ABLIM1: variants seen among roughly 807,000 people sequenced by gnomAD.
The protein encoded by ABLIM1 is actin-binding LIM protein 1.
ABLIM1 carries 40 observed loss-of-function variants against 107.0 expected under a neutral mutation model. The observed-to-expected ratio is 0.37, with a 90% CI of 0.29 to 0.49. The LOEUF is 0.49. Ranked by LOEUF, ABLIM1 falls within the 20% of genes least tolerant of loss-of-function variation. ABLIM1 has a pLI of 0.97. For missense variants in ABLIM1, 857 were observed against 1,008.5 expected (o/e 0.85, Z 2.04); for synonymous variants, 357 against 357.3 (o/e 1.00, Z 0.01).
chr10:114,520,850 C>A (rs754707117), intron 6 of ABLIM1, among the ~76,000 whole-genome samples: 3 of 151,954 alleles, frequency 2.0e-5, no homozygotes, highest in Non-Finnish European at 2.9e-5. Flanking sequence ...TGATGGCATG[C>A]ACCTGTAGTC....
chr10:114,744,672 A>G (rs1291100198), intron 1 of ABLIM1, among the ~76,000 whole-genome samples: 1 of 152,160 alleles, frequency 6.6e-6, no homozygotes, highest in African/African-American at 2.4e-5. Context: ...TAAAAGTAAT[A>G]AAGTTTCTAA....
intron 1 of ABLIM1, among the ~76,000 whole-genome samples, chr10:114,681,755 A>G (rs1035424126): frequency 6.6e-6 from 1 of 152,222 alleles, no homozygotes; most frequent in Non-Finnish European, 1.5e-5. Flanking sequence ...GGAGCCTATG[A>G]CTCAGACAGA....
At chr10:114,603,952 T>C (rs1394799764) in intron 1 of ABLIM1, among the ~76,000 whole-genome samples, 3 of 42,042 alleles carry the variant, frequency 7.1e-5, no homozygotes, top group Non-Finnish European at 1.8e-4. Context: ...AGACTTTGTC[T>C]CAAAAAAAAA....
At position 114,619,629 on chromosome 10, in the gene ABLIM1, C is replaced by T. The variant is rs1202654482; in HGVS notation, c.245-17668G>A. Reference sequence around the variant, plus strand: ...CGATGCATGGCAGATAGTCCTGGTCCTGATCTTGCTCCTCCCTCCCTGGCT... The same window carrying T: ...CGATGCATGGCAGATAGTCCTGGTCTTGATCTTGCTCCTCCCTCCCTGGCT... On this transcript the variant is annotated intron_variant, in intron 1 of 22. Coordinates refer to ENST00000533213, the MANE Select transcript of ABLIM1 (RefSeq NM_002313.7). This position sits in a 1 kb window ranked among gnomAD's most constrained non-coding sequence, Gnocchi z 4.1. Among the ~76,000 whole-genome samples the T allele has an allele frequency of 1.3e-5, 2 of 152,160 alleles. No individual in the cohort carries two copies. Among genetic ancestry groups the T allele is most frequent in the Non-Finnish European group, 2.9e-5 (2 of 68,032 alleles).
At chr10:114,590,130 C>A (rs1044876766) in intron 2 of ABLIM1, among the ~76,000 whole-genome samples, 1 of 152,186 alleles carries the variant, frequency 6.6e-6, no homozygotes, top group African/African-American at 2.4e-5. Context: ...ACATGCTATA[C>A]AGCTTCATAG....
Position 114,440,187 on chromosome 10 carries a change from C to T in ABLIM1, c.2060-98G>A, listed in dbSNP as rs368205536. 877 of 1,261,210 alleles carry T rather than the reference C, an allele frequency of 7.0e-4. 1 individual carries two copies. The highest frequency in any genetic ancestry group is 9.2e-4 in the Non-Finnish European group (804 of 871,202). The allele number at this position is 1,261,210 out of a possible 1,614,324, so 78.1% of individuals were successfully genotyped here. ...ATTATATTGAAATTCCCAACATATT[C>T]GCCCTATAAACCATGTTCTTTTTCT... On this transcript the variant is annotated intron_variant, in intron 19 of 22. Transcript: ENST00000533213.
intron 1 of ABLIM1, among the ~76,000 whole-genome samples, chr10:114,602,700 G>A (rs1407083225): frequency 6.6e-6 from 1 of 152,214 alleles, no homozygotes; most frequent in Non-Finnish European, 1.5e-5. Flanking sequence ...ATAAAACAAA[G>A]GGGATTGGCC....
intron 4 of ABLIM1, among the ~76,000 whole-genome samples, chr10:114,563,667 T>C (rs1704072235): frequency 1.3e-5 from 2 of 151,000 alleles, no homozygotes; most frequent in African/African-American, 4.9e-5. Context: ...AAACCCTGTC[T>C]CTACAAAAAA....
chr10:114,747,996 G>A (rs1171170972), intron 1 of ABLIM1, among the ~76,000 whole-genome samples: 1 of 152,034 alleles, frequency 6.6e-6, no homozygotes, highest in East Asian at 1.9e-4. Flanking sequence ...GCCAAGATGG[G>A]GCCATCGCAC....
chr10:114,689,587 C>A (rs752520624), upstream of ABLIM1, among the ~76,000 whole-genome samples: 1 of 151,958 alleles, frequency 6.6e-6, no homozygotes, highest in South Asian at 2.1e-4. Context: ...GTCTTGAACT[C>A]CTGGTCTCAA....
chr10:114,583,186 A>G (rs2073626882), intron 2 of ABLIM1, among the ~76,000 whole-genome samples: 2 of 151,750 alleles, frequency 1.3e-5, no homozygotes, highest in African/African-American at 2.4e-5. Context: ...ACTCCATTAA[A>G]AAGTGGCCAA....
chr10:114,673,162 G>A (rs534632266), intron 1 of ABLIM1, among the ~76,000 whole-genome samples: 1 of 151,640 alleles, frequency 6.6e-6, no homozygotes, highest in Non-Finnish European at 1.5e-5. Context: ...GGAGGCTGAG[G>A]CAGGAGAATC....
the ABLIM1 span, chr10:114,779,344 T>C: frequency 6.6e-6 from 1 of 152,230 alleles, no homozygotes; most frequent in Admixed American, 6.5e-5. Flanking sequence ...AGAATCTGGA[T>C]ACAGGTTGTC....
At chr10:114,683,690 T>G (rs1422537430) in intron 1 of ABLIM1, among the ~76,000 whole-genome samples, 2 of 152,138 alleles carry the variant, frequency 1.3e-5, no homozygotes, top group African/African-American at 4.8e-5. Context: ...AGGGGTCCAG[T>G]ATCAAAGGAA....
chr10:114,495,153 A>G (rs73353732), intron 6 of ABLIM1, among the ~76,000 whole-genome samples: 3,942 of 152,282 alleles, frequency 0.026, 172 homozygotes, highest in African/African-American at 0.09. Flanking sequence ...GAAGTAAAGG[A>G]AGGGACCCTC....
intron 6 of ABLIM1, among the ~76,000 whole-genome samples, chr10:114,534,252 T>C (rs1555159922): frequency 6.6e-6 from 1 of 152,140 alleles, no homozygotes; most frequent in Non-Finnish European, 1.5e-5. Flanking sequence ...AGAAAGCAGA[T>C]GCAGGAGTCC....
intron 4 of ABLIM1, among the ~76,000 whole-genome samples, chr10:114,568,370 G>T (rs1018526743): frequency 1.3e-5 from 2 of 152,024 alleles, no homozygotes; most frequent in African/African-American, 4.8e-5. Context: ...TGCACGTCCT[G>T]CACATGTACC....
intron 1 of ABLIM1, among the ~76,000 whole-genome samples, chr10:114,604,742 T>C (rs937385569): frequency 6.6e-6 from 1 of 152,180 alleles, no homozygotes; most frequent in African/African-American, 2.4e-5. Flanking sequence ...GAGAACACAG[T>C]GAATCTCTTG....
chr10:114,468,406 C>G (rs2065677464), intron 10 of ABLIM1, 190 bp from the exon 11 acceptor site: 14 of 469,404 alleles, frequency 3.0e-5, no homozygotes, highest in South Asian at 2.9e-4. Flanking sequence ...TCCCAAGTAG[C>G]TGGGACTACA....
Sources: gnomAD v4.1 joint callset for allele counts (sites outside exome capture counted in the v4.1 genomes callset) on GRCh38, gnomAD v4.1.1 for gene constraint, Gnocchi (gnomAD v3.1) non-coding constraint, MANE v1.5 for transcripts, NCBI Gene and HGNC (gene_info 2026-07-23, HGNC 2026-07-21) for gene names.